Variants in PPP1R15B observed in about 807,000 individuals in gnomAD.
PPP1R15B encodes protein phosphatase 1 regulatory subunit 15B, also known as protein phosphatase 1, regulatory (inhibitor) subunit 15B.
PPP1R15B carries 31 observed loss-of-function variants against 53.9 expected under a neutral mutation model. The observed-to-expected ratio is 0.58, with a 90% CI of 0.43 to 0.78. The LOEUF (loss-of-function observed/expected upper bound fraction) is 0.78. Among genes scored for constraint, PPP1R15B ranks in the 30% least tolerant of loss-of-function variants. The pLI is 0.00. For synonymous variants in PPP1R15B, 345 were observed against 329.1 expected, an observed-to-expected ratio of 1.05 and a Z score of -0.52; for missense variants, 928 against 849.6, an observed-to-expected ratio of 1.09 and a Z score of -1.15.
At chr1:204,397,798 G>A (rs1168848241), downstream of PPP1R15B, among the ~76,000 whole-genome samples, 3 of 151,104 alleles carry the variant, frequency 2.0e-5, no homozygotes, top group Non-Finnish European at 2.9e-5. Context: ...ATGTTTCAGC[G>A]AACCTTAGGC....
downstream of PPP1R15B, among the ~76,000 whole-genome samples, chr1:204,397,005 T>C (rs879625415): frequency 3.3e-5 from 5 of 151,962 alleles, no homozygotes; most frequent in Non-Finnish European, 7.4e-5. Flanking sequence ...CTGGGCAATA[T>C]AGGGAGATCT....
intron 1 of PPP1R15B, among the ~76,000 whole-genome samples, chr1:204,407,258 A>G (rs1191104804): frequency 6.6e-6 from 1 of 152,210 alleles, no homozygotes; most frequent in Non-Finnish European, 1.5e-5. Context: ...CTTAGTAAAC[A>G]AAGTATAGCA....
chr1:204,405,977 A>T lies in PPP1R15B; in HGVS notation c.*115T>A. On this transcript the variant is annotated 3_prime_UTR_variant, in exon 2 of 2. Coordinates refer to ENST00000367188, the MANE Select transcript of PPP1R15B (RefSeq NM_032833.5). Reference sequence around the variant, plus strand: ...AAAAAAAAAAATTAAACTAGATCCAAGTTACATTTCCTCTAAAAAAAAAAA... The same window carrying T: ...AAAAAAAAAAATTAAACTAGATCCATGTTACATTTCCTCTAAAAAAAAAAA... The T allele has an allele frequency of 6.8e-7, 1 of 1,470,984 alleles. No homozygotes were observed. Among genetic ancestry groups the T allele is most frequent in the East Asian group, 2.4e-5 (1 of 41,950 alleles). 91.1% of individuals were successfully genotyped at this position (1,470,984 alleles called of 1,614,324 possible). A position where few individuals can be genotyped will look rare whatever the true frequency, so the allele number is the denominator to read the frequency against.
Position 204,409,996 on chromosome 1 carries a change from A to G in PPP1R15B, c.1416T>C (p.Pro472=). 2 of 1,614,200 alleles carry G rather than the reference A, an allele frequency of 1.2e-6. No homozygotes were observed. Among genetic ancestry groups the G allele is most frequent in the Non-Finnish European group, 1.7e-6 (2 of 1,180,014 alleles). Residue 472 remains proline, a synonymous_variant, in exon 1 of 2, where the codon CCT becomes CCC. Transcript: ENST00000367188. ...SLSDSDLEQD[P]EGLHLWNSFC... The stretch of plus-strand genomic sequence containing the variant: ...AAGAGTTCCAAAGGTGAAGCCCTTC[A>G]GGGTCTTGTTCAAGGTCTGAGTCTG...
Position 204,411,701 on chromosome 1 carries a change from C to A in PPP1R15B, c.-290G>T, listed in dbSNP as rs145128747. 4.0e-6 allele frequency: 2 copies of A among 494,102 alleles called. No individual in the cohort carries two copies. The highest frequency in any genetic ancestry group is 2.6e-5 in the South Asian group (1 of 39,002). The allele number at this position is 494,102 out of a possible 1,614,324, so 30.6% of individuals were successfully genotyped here. A position where few individuals can be genotyped will look rare whatever the true frequency, so the allele number is the denominator to read the frequency against. On this transcript the variant is annotated 5_prime_UTR_variant, in exon 1 of 2. Coordinates refer to ENST00000367188, the MANE Select transcript of PPP1R15B (RefSeq NM_032833.5). ...ACGCTTCAACACCATGGATAGGAGT[C>A]CCCCCACGGCCTCGGCGATGGTTTT...
rs1317164816 is a variant in PPP1R15B, at chr1:204,410,026, T to C, written c.1386A>G (p.Ser462=). The C allele has an allele frequency of 6.2e-7, 1 of 1,614,136 alleles. No homozygotes were observed. ...CTTGTTCAAGGTCTGAGTCTGACAG[T>C]GAGCTATCACTATCAAAACCATCAT... ...AEDDGFDSDS[S]LSDSDLEQDP... The change falls in exon 1 of 2, where the codon TCA becomes TCG. Residue 462 remains serine (S), a synonymous_variant. Transcript: ENST00000367188.
Position 204,411,766 on chromosome 1 carries a change from T to G in PPP1R15B, c.-355A>C. On this transcript the variant is annotated 5_prime_UTR_variant, in exon 1 of 2. Coordinates refer to ENST00000367188, the MANE Select transcript of PPP1R15B (RefSeq NM_032833.5). ...GTTGAAAAGCCCCTGAGCAACGCGA[T>G]ACCGGAAGGACTGGGTAGGCCGGCT... The G allele has an allele frequency of 3.2e-6, 1 of 308,434 alleles. No individual in the cohort carries two copies. The highest frequency in any genetic ancestry group is 6.1e-6 in the Non-Finnish European group (1 of 162,850). 19.1% of individuals were successfully genotyped at this position (308,434 alleles called of 1,614,324 possible). A position where few individuals can be genotyped will look rare whatever the true frequency, so the allele number is the denominator to read the frequency against.
At position 204,405,495 on chromosome 1, in the gene PPP1R15B, C is replaced by T. The variant is rs1674249313; in HGVS notation, c.*597G>A. The T allele has an allele frequency of 4.1e-6, 4 of 983,054 alleles. No individual in the cohort carries two copies. The highest frequency in any genetic ancestry group is 4.8e-6 in the Non-Finnish European group (4 of 828,290). 60.9% of individuals were successfully genotyped at this position (983,054 alleles called of 1,614,324 possible). A position where few individuals can be genotyped will look rare whatever the true frequency, so the allele number is the denominator to read the frequency against. On this transcript the variant is annotated 3_prime_UTR_variant, in exon 2 of 2. Coordinates refer to ENST00000367188, the MANE Select transcript of PPP1R15B (RefSeq NM_032833.5). ...CTTAATGTAGAAATAAAAAGGCTAC[C>T]ACATATTTTCAATCCAAGTCATTTT...
downstream of PPP1R15B, among the ~76,000 whole-genome samples, chr1:204,399,942 GC>G (rs1044113533): frequency 6.6e-6 from 1 of 151,984 alleles, no homozygotes; most frequent in Non-Finnish European, 1.5e-5. Context: ...TGCCTTCAGA[GC>G]CCATTAAGAA....
Position 204,410,922 on chromosome 1 carries a change from C to T in PPP1R15B, c.490G>A (p.Gly164Arg), listed in dbSNP as rs749496126. 9.9e-6 allele frequency: 16 copies of T among 1,614,024 alleles called. No homozygotes were observed. Among genetic ancestry groups the T allele is most frequent in the Non-Finnish European group, 1.4e-5 (16 of 1,179,970 alleles). Residue 164 changes from glycine to arginine, a missense_variant, in exon 1 of 2, where the codon GGA becomes AGA. By Grantham distance (125) the Gly-to-Arg change is moderately radical. Transcript: ENST00000367188. ...PDLKLELKAK[G>R]SALDPAAQAF... ...TGTGCTGCAGGGTCCAAAGCACTTC[C>T]CTTGGCCTTAAGCTCCAATTTTAGG... is the stretch of plus-strand genomic sequence containing the variant.
At chr1:204,396,732 C>T (rs2103437239), downstream of PPP1R15B, among the ~76,000 whole-genome samples, 1 of 152,178 alleles carries the variant, frequency 6.6e-6, no homozygotes, top group South Asian at 2.1e-4. Flanking sequence ...TGAATTCATA[C>T]TTAAAATGAG....
At chr1:204,400,227 A>T (rs1674152266), downstream of PPP1R15B, among the ~76,000 whole-genome samples, 1 of 123,122 alleles carries the variant, frequency 8.1e-6, no homozygotes. Context: ...TGACAGTGAG[A>T]CACTGTCTCA....
In PPP1R15B at chr1:204,409,989, G is replaced by A. The variant is rs1438413885; in HGVS notation, c.1423C>T (p.Leu475Phe). 2 of 1,614,054 alleles carry A rather than the reference G, an allele frequency of 1.2e-6. No individual in the cohort carries two copies. The highest frequency in any genetic ancestry group is 1.7e-5 in the Admixed American group (1 of 60,008). Residue 475 changes from leucine to phenylalanine, a missense_variant, in exon 1 of 2, where the codon CTT (leucine) becomes TTT (phenylalanine). Physicochemically the swap from Leu to Phe is conservative, Grantham distance 22. Transcript: ENST00000367188. Reference sequence around the variant, plus strand: ...CTGCAGAAAGAGTTCCAAAGGTGAAGCCCTTCAGGGTCTTGTTCAAGGTCT... The same window carrying A: ...CTGCAGAAAGAGTTCCAAAGGTGAAACCCTTCAGGGTCTTGTTCAAGGTCT... Reference protein sequence around the residue: ...DSDLEQDPEGLHLWNSFCSVD... With the variant: ...DSDLEQDPEGFHLWNSFCSVD...
In PPP1R15B at chr1:204,411,471, G is replaced by A. The variant is rs1674378561; in HGVS notation, c.-60C>T. The A allele has an allele frequency of 1.2e-5, 19 of 1,559,664 alleles. No individual in the cohort carries two copies. Among genetic ancestry groups the A allele is most frequent in the Admixed American group, 1.8e-5 (1 of 55,578 alleles). On this transcript the variant is annotated 5_prime_UTR_variant, in exon 1 of 2. Coordinates refer to ENST00000367188, the MANE Select transcript of PPP1R15B (RefSeq NM_032833.5). ...CGGCGCTCAGCGGCTGGAGGTCGAC[G>A]GGATTCGGAGGAAGCCTACAGAGTC...
In PPP1R15B at chr1:204,410,913, A is replaced by T. The variant is rs1362637346; in HGVS notation, c.499T>A (p.Leu167Met). 1 of 1,614,008 alleles carries T rather than the reference A, an allele frequency of 6.2e-7. No individual in the cohort carries two copies. The highest frequency in any genetic ancestry group is 1.7e-5 in the Admixed American group (1 of 60,000). Residue 167 changes from leucine to methionine, a missense_variant, in exon 1 of 2, where the codon TTG becomes ATG. Coordinates refer to ENST00000367188, the MANE Select transcript of PPP1R15B (RefSeq NM_032833.5). ...KLELKAKGSA[L>M]DPAAQAFLLE... ...AGAAAAGCCTGTGCTGCAGGGTCCA[A>T]AGCACTTCCCTTGGCCTTAAGCTCC... is the stretch of plus-strand genomic sequence containing the variant.
In PPP1R15B at chr1:204,404,282, G is replaced by C; in HGVS notation, c.*1810C>G. 1.1e-6 allele frequency: 1 copy of C among 896,132 alleles called. No individual in the cohort carries two copies. The highest frequency in any genetic ancestry group is 5.1e-5 in the South Asian group (1 of 19,484). The allele number at this position is 896,132 out of a possible 1,614,324, so 55.5% of individuals were successfully genotyped here. ...GCGGATCACGAGGTCAGCAGTTCAAGACCAGTCTGGCCAACATAGCGAAAC... is the reference window on the plus strand; with the variant it reads ...GCGGATCACGAGGTCAGCAGTTCAACACCAGTCTGGCCAACATAGCGAAAC... On this transcript the variant is annotated 3_prime_UTR_variant, in exon 2 of 2. Transcript: ENST00000367188.
downstream of PPP1R15B, among the ~76,000 whole-genome samples, chr1:204,402,688 CTG>C (rs1301235988): frequency 6.7e-6 from 1 of 149,644 alleles, no homozygotes; most frequent in African/African-American, 2.4e-5. Flanking sequence ...TCCCGAAGTG[CTG>C]GAATTACAGG....
intron 1 of PPP1R15B, among the ~76,000 whole-genome samples, chr1:204,407,134 CTTCTA>C (rs1193870793): frequency 3.3e-5 from 5 of 152,160 alleles, no homozygotes; most frequent in African/African-American, 1.2e-4. Context: ...TTTTTGCTTA[CTTCTA>C]TTCTTTTTCC....
chr1:204,406,317 CA>C lies in PPP1R15B; in HGVS notation c.1921-5del. The C allele has an allele frequency of 6.2e-7, 1 of 1,613,468 alleles. No individual in the cohort carries two copies. The highest frequency in any genetic ancestry group is 8.5e-7 in the Non-Finnish European group (1 of 1,179,720). ...TAACTTCTTCAAGGAAGGTTACCTA[CA>C]AAAACAAAGACTAATTTTAATAACT... On this transcript the variant is annotated splice_region_variant and splice_polypyrimidine_tract_variant and intron_variant, in intron 1 of 1. Coordinates refer to ENST00000367188, the MANE Select transcript of PPP1R15B (RefSeq NM_032833.5).
Sources: allele counts gnomAD v4.1 joint callset (sites outside exome capture counted in the v4.1 genomes callset), GRCh38; gene constraint gnomAD v4.1.1; transcripts MANE v1.5; gene names NCBI Gene and HGNC (gene_info 2026-07-23, HGNC 2026-07-21).